LOC400499: variants seen among roughly 807,000 people sequenced by gnomAD.
chr16:11,405,903 T>C, the LOC400499 span, among the ~76,000 whole-genome samples: 1 of 152,138 alleles, frequency 6.6e-6, no homozygotes, highest in African/African-American at 2.4e-5. Flanking sequence ...CCTCCTACCA[T>C]TCCCCACCCA....
At chr16:11,420,333 C>T in the LOC400499 span, among the ~76,000 whole-genome samples, 7 of 151,154 alleles carry the variant, frequency 4.6e-5, no homozygotes, top group Admixed American at 2.0e-4. Flanking sequence ...TCTCAGCAAA[C>T]TATCACAAGG....
At chr16:11,443,491 A>ATG in the LOC400499 span, 1 of 132,234 alleles carries the variant, frequency 7.6e-6, no homozygotes, top group Non-Finnish European at 1.4e-5. Flanking sequence ...AAAAAAAAAA[A>ATG]AGAGAGAGAG....
At chr16:11,508,838 C>T in the LOC400499 span, 3 of 399,082 alleles carry the variant, frequency 7.5e-6, no homozygotes, top group Admixed American at 8.8e-5. Context: ...ATGTCTTCAT[C>T]GTCTCTATCA....
At chr16:11,463,655 ATATGGATGTG>A in the LOC400499 span, among the ~76,000 whole-genome samples, 3 of 152,166 alleles carry the variant, frequency 2.0e-5, no homozygotes, top group African/African-American at 4.8e-5. Context: ...GATTGTGTGA[ATATGGATGTG>A]TATGGATGTG....
the LOC400499 span, among the ~76,000 whole-genome samples, chr16:11,395,990 C>G: frequency 6.6e-6 from 1 of 152,186 alleles, no homozygotes; most frequent in Admixed American, 6.5e-5. Flanking sequence ...CTGCCCCTTC[C>G]TACTTCCCAG....
At chr16:11,495,209 C>CA in the LOC400499 span, among the ~76,000 whole-genome samples, 30 of 141,384 alleles carry the variant, frequency 2.1e-4, no homozygotes, top group East Asian at 3.5e-3. Flanking sequence ...ACTCTGTCTC[C>CA]AAAAAAAAAA....
the LOC400499 span, among the ~76,000 whole-genome samples, chr16:11,423,464 G>A: frequency 2.0e-5 from 3 of 152,238 alleles, no homozygotes; most frequent in African/African-American, 7.2e-5. Context: ...CAGCATGCAG[G>A]GCCTCCACGC....
At chr16:11,526,053 C>T in the LOC400499 span, among the ~76,000 whole-genome samples, 1 of 152,150 alleles carries the variant, frequency 6.6e-6, no homozygotes, top group African/African-American at 2.4e-5. Flanking sequence ...TTTTATGAAA[C>T]CAACACAATT....
the LOC400499 span, among the ~76,000 whole-genome samples, chr16:11,512,001 G>A: frequency 6.6e-6 from 1 of 151,824 alleles, no homozygotes; most frequent in African/African-American, 2.4e-5. Context: ...TGTCTCTTAA[G>A]TTGAAGGCTG....
the LOC400499 span, among the ~76,000 whole-genome samples, chr16:11,403,480 C>T: frequency 6.6e-6 from 1 of 152,062 alleles, no homozygotes; most frequent in Non-Finnish European, 1.5e-5. Flanking sequence ...CATGAGCACA[C>T]ATACACTCAT....
chr16:11,467,651 T>C, the LOC400499 span, among the ~76,000 whole-genome samples: 4 of 152,196 alleles, frequency 2.6e-5, no homozygotes, highest in Non-Finnish European at 5.9e-5. Context: ...AACCTAAACA[T>C]GACAACTGGG....
chr16:11,444,575 C>T, the LOC400499 span, among the ~76,000 whole-genome samples: 1 of 152,244 alleles, frequency 6.6e-6, no homozygotes, highest in East Asian at 1.9e-4. Context: ...ACCATGTGGC[C>T]CATGAAACCT....
At chr16:11,431,341 C>A in the LOC400499 span, 23 of 398,004 alleles carry the variant, frequency 5.8e-5, no homozygotes, top group African/African-American at 4.3e-4. Flanking sequence ...AAGGACATAA[C>A]CTCTCTGGGC....
At chr16:11,402,388 G>C in the LOC400499 span, 5 of 377,430 alleles carry the variant, frequency 1.3e-5, no homozygotes, top group East Asian at 1.5e-4. Flanking sequence ...CCGTTACAAT[G>C]AGACTCTGAG....
the LOC400499 span, chr16:11,435,843 G>A: frequency 2.5e-6 from 1 of 399,166 alleles, no homozygotes; most frequent in Non-Finnish European, 4.4e-6. Context: ...GACCCGTTGA[G>A]GCTGCGCACT....
At chr16:11,391,052 G>A in the LOC400499 span, among the ~76,000 whole-genome samples, 7 of 152,242 alleles carry the variant, frequency 4.6e-5, no homozygotes, top group African/African-American at 1.4e-4. Context: ...GAATAGCGCT[G>A]GGCGGAGTCC....
chr16:11,447,997 CCTT>C, the LOC400499 span: 1 of 1,536,128 alleles, frequency 6.5e-7, no homozygotes, highest in Non-Finnish European at 8.7e-7. Flanking sequence ...CTCCAGCTCT[CCTT>C]CCAACTGCAG....
chr16:11,387,376 G>T, the LOC400499 span: 1 of 1,129,724 alleles, frequency 8.9e-7, no homozygotes, highest in Non-Finnish European at 1.1e-6. Flanking sequence ...TTCTAGGTCT[G>T]CAGGAAGAGC....
chr16:11,452,062 G>C, the LOC400499 span, among the ~76,000 whole-genome samples: 1 of 152,100 alleles, frequency 6.6e-6, no homozygotes, highest in African/African-American at 2.4e-5. Flanking sequence ...TTCCAAACAA[G>C]TTTTGAGTCT....
Sources: allele counts gnomAD v4.1 joint callset (sites outside exome capture counted in the v4.1 genomes callset), GRCh38; gene constraint gnomAD v4.1.1; transcripts MANE v1.5.